The following CTNND2 variants were observed in gnomAD, a reference collection of about 807,000 sequenced individuals.
CTNND2 encodes the protein catenin delta 2.
A neutral mutation model predicts 144.4 loss-of-function variants in CTNND2; 22 were observed. The observed-to-expected ratio is 0.15, with a 90% CI of 0.11 to 0.22. CTNND2 has a LOEUF of 0.22. Ranked by LOEUF, CTNND2 falls within the 10% of genes least tolerant of loss-of-function variation. CTNND2 has a pLI of 1.00. For missense variants in CTNND2, 1,353 were observed against 1,618.8 expected (o/e 0.84, Z 2.82); for synonymous variants, 751 against 695.6 (o/e 1.08, Z -1.25).
chr5:11,768,924 G>A (rs1299702992), intron 1 of CTNND2, among the ~76,000 whole-genome samples: 1 of 152,134 alleles, frequency 6.6e-6, no homozygotes, highest in Non-Finnish European at 1.5e-5. Flanking sequence ...GTAGGTAAGA[G>A]CTCCCCTCAG....
Position 11,739,613 on chromosome 5 carries a change from AGC to A in CTNND2, c.38-7343_38-7342del, listed in dbSNP as rs546200924. Among the ~76,000 whole-genome samples, 524 of 152,340 alleles carry A rather than the reference AGC, an allele frequency of 3.4e-3. 2 individuals are homozygous for A. The highest frequency in any genetic ancestry group is 0.01 in the Middle Eastern group (3 of 294). On this transcript the variant is annotated intron_variant, in intron 1 of 21. Coordinates refer to ENST00000304623, the MANE Select transcript of CTNND2 (RefSeq NM_001332.4). ...TCACACTGAATGGGCAAAAACTGGA[AGC>A]ATTCCCTTTGAAAACCAGTACAAGA...
intron 15 of CTNND2, among the ~76,000 whole-genome samples, chr5:11,095,905 TC>T (rs1192160628): frequency 6.6e-6 from 1 of 152,182 alleles, no homozygotes; most frequent in Non-Finnish European, 1.5e-5. Flanking sequence ...TTTATAGTTT[TC>T]ATTAAATTTG....
chr5:11,445,804 GT>G (rs1561405664), intron 3 of CTNND2, among the ~76,000 whole-genome samples: 2 of 152,166 alleles, frequency 1.3e-5, no homozygotes, highest in Non-Finnish European at 1.5e-5. Context: ...TAAGCAGTAA[GT>G]TCTATAAATA....
At chr5:11,693,167 C>A (rs1462105177) in intron 2 of CTNND2, among the ~76,000 whole-genome samples, 1 of 152,148 alleles carries the variant, frequency 6.6e-6, no homozygotes, top group Non-Finnish European at 1.5e-5. Context: ...ACTCTTTCCA[C>A]CAGATGAGGA....
chr5:11,089,374 C>G (rs1352271849), intron 15 of CTNND2, among the ~76,000 whole-genome samples: 1 of 152,216 alleles, frequency 6.6e-6, no homozygotes, highest in Non-Finnish European at 1.5e-5. Flanking sequence ...ATTGCAAAAA[C>G]AACCTCATGG....
intron 5 of CTNND2, among the ~76,000 whole-genome samples, chr5:11,405,067 T>C (rs1371222616): frequency 6.6e-6 from 1 of 152,168 alleles, no homozygotes; most frequent in East Asian, 1.9e-4. Context: ...TTCTCATACC[T>C]ATGGCAGCTC....
At chr5:11,050,911 C>T (rs182624576) in intron 16 of CTNND2, among the ~76,000 whole-genome samples, 2 of 152,342 alleles carry the variant, frequency 1.3e-5, no homozygotes, top group African/African-American at 4.8e-5. Context: ...TCCGTGCTAT[C>T]AGCTTCCAAT....
intron 3 of CTNND2, among the ~76,000 whole-genome samples, chr5:11,529,088 C>T (rs1773518213): frequency 6.6e-6 from 1 of 152,148 alleles, no homozygotes; most frequent in Non-Finnish European, 1.5e-5. Context: ...AAAACAGGGA[C>T]ACAAGGCCAT....
intron 2 of CTNND2, among the ~76,000 whole-genome samples, chr5:11,728,168 C>T (rs1787125665): frequency 6.6e-6 from 1 of 152,048 alleles, no homozygotes; most frequent in South Asian, 2.1e-4. Flanking sequence ...TGGTTTGCCC[C>T]ATAGTGAAAG....
At chr5:11,109,854 A>G (rs1752779953) in intron 14 of CTNND2, among the ~76,000 whole-genome samples, 2 of 152,354 alleles carry the variant, frequency 1.3e-5, no homozygotes, top group South Asian at 2.1e-4. Flanking sequence ...CAAGAAACAC[A>G]TATATTTTGT....
Position 11,551,432 on chromosome 5 carries a change from C to CTTTTTTT in CTNND2, c.287+13505_287+13511dup, listed in dbSNP as rs70949326. 5.1e-3 allele frequency among the ~76,000 whole-genome samples: 514 copies of CTTTTTTT among 100,718 alleles called. 1 individual carries two copies. Among genetic ancestry groups the CTTTTTTT allele is most frequent in the East Asian group, 7.0e-3 (24 of 3,436 alleles). 66.1% of individuals were successfully genotyped at this position (100,718 alleles called of 152,430 possible). A position where few individuals can be genotyped will look rare whatever the true frequency, so the allele number is the denominator to read the frequency against. On this transcript the variant is annotated intron_variant, in intron 3 of 21. Transcript: ENST00000304623. Reference sequence around the variant, plus strand: ...AGCATATTTATGCTTTTTCTTTTTTCTTTTTTTTTTTTTTTTTTTTTGATA... The same window carrying CTTTTTTT: ...AGCATATTTATGCTTTTTCTTTTTTCTTTTTTTTTTTTTTTTTTTTTTTTTTTTGATA...
intron 12 of CTNND2, among the ~76,000 whole-genome samples, chr5:11,149,355 G>A (rs575646305): frequency 1.3e-5 from 2 of 152,280 alleles, no homozygotes; most frequent in Admixed American, 6.5e-5. Flanking sequence ...CAGGCAACAT[G>A]TAACCCCGGG....
intron 1 of CTNND2, among the ~76,000 whole-genome samples, chr5:11,777,996 A>G (rs535298069): frequency 1.3e-5 from 2 of 152,274 alleles, no homozygotes; most frequent in South Asian, 4.1e-4. Context: ...ACTGTGTGCC[A>G]CTTCGTGCAC....
intron 6 of CTNND2, among the ~76,000 whole-genome samples, chr5:11,391,795 A>G (rs921239835): frequency 6.6e-6 from 1 of 152,186 alleles, no homozygotes; most frequent in Non-Finnish European, 1.5e-5. Flanking sequence ...TGAAGTCATC[A>G]CCACTGGGAT....
At chr5:11,591,814 G>A (rs983420114) in intron 2 of CTNND2, among the ~76,000 whole-genome samples, 2 of 152,000 alleles carry the variant, frequency 1.3e-5, no homozygotes, top group Non-Finnish European at 2.9e-5. Flanking sequence ...TATGGACAAT[G>A]TCAACCCACT....
chr5:11,148,757 G>A (rs998812384), intron 12 of CTNND2, among the ~76,000 whole-genome samples: 9 of 152,188 alleles, frequency 5.9e-5, no homozygotes, highest in African/African-American at 2.2e-4. Flanking sequence ...GATCCCGGCT[G>A]GGTGCTTGGG....
rs568745654 is a variant in CTNND2 at position 11,519,914 on chromosome 5, G to A, written c.287+45030C>T. Among the ~76,000 whole-genome samples, 33 of 151,900 alleles carry A rather than the reference G, an allele frequency of 2.2e-4. 1 individual carries two copies. The highest frequency in any genetic ancestry group is 1.4e-3 in the Admixed American group (21 of 15,230). On this transcript the variant is annotated intron_variant, in intron 3 of 21. Transcript: ENST00000304623. The stretch of plus-strand genomic sequence containing the variant: ...AGCACTTTGGGAGGCTGACACGGGC[G>A]GATCACCTAAGGTCAGGAGTTCGAG...
chr5:11,341,156 T>C (rs763284730), intron 9 of CTNND2, among the ~76,000 whole-genome samples: 11 of 152,160 alleles, frequency 7.2e-5, no homozygotes, highest in Non-Finnish European at 1.6e-4. Flanking sequence ...GCAGGAGCCT[T>C]GGGCCTGGGA....
rs192090772 is a variant in CTNND2, at chr5:11,895,081, T to C, written c.37+8736A>G. 2.9e-3 allele frequency among the ~76,000 whole-genome samples: 435 copies of C among 152,176 alleles called. 5 individuals are homozygous for C. Among genetic ancestry groups the C allele is most frequent in the African/African-American group, 9.9e-3 (411 of 41,490 alleles). ...ATCATGTGTTTGCCTAAAAACAGTG[T>C]CCTGGCTCTTCCCAACGAACTTGAA... On this transcript the variant is annotated intron_variant, in intron 1 of 21. Transcript: ENST00000304623.
Sources: gnomAD v4.1 joint callset for allele counts (sites outside exome capture counted in the v4.1 genomes callset) on GRCh38, gnomAD v4.1.1 for gene constraint, MANE v1.5 for transcripts, NCBI Gene and HGNC (gene_info 2026-07-23, HGNC 2026-07-21) for gene names.